The following UBR2 variants were observed in gnomAD, a reference collection of about 807,000 sequenced individuals.
UBR2 encodes the protein ubiquitin protein ligase E3 component n-recognin 2.
In UBR2, 92 loss-of-function variants were observed where a neutral mutation model predicts 247.9. The ratio of observed to expected loss-of-function variants is 0.37; its 90% CI spans 0.31 to 0.44. The LOEUF (loss-of-function observed/expected upper bound fraction) is 0.44, where lower values mean the gene tolerates loss of function less well. UBR2 is among the 20% of genes least tolerant of loss of function. UBR2 has a pLI of 1.00. For missense variants in UBR2, 1,613 were observed against 2,112.6 expected, an observed-to-expected ratio of 0.76 and a Z score of 4.64; for synonymous variants, 672 against 693.5, an observed-to-expected ratio of 0.97 and a Z score of 0.49.
At position 42,689,688 on chromosome 6, in the gene UBR2, G is replaced by T; in HGVS notation, c.5126+18G>T. 6.2e-7 allele frequency: 1 copy of T among 1,610,106 alleles called. No homozygotes were observed. Among genetic ancestry groups the T allele is most frequent in the Non-Finnish European group, 8.5e-7 (1 of 1,176,508 alleles). On this transcript the variant is annotated intron_variant, in intron 46 of 46. Transcript: ENST00000372901. The surrounding 1 kb of genome is among the most constrained non-coding windows in gnomAD (Gnocchi z 4.0). ...GGACTCAGGTAAGAACCCATCCTGA[G>T]TTAGCTAACTCAGGGCCTGCAGCGC... is the stretch of plus-strand genomic sequence containing the variant.
chr6:42,659,520 TACAC>T lies in UBR2; in HGVS notation c.3243-97_3243-94del, dbSNP rs59248267. ...GTCTCAAAAAATAAATAAATATATA[TACAC>T]ACACACACACACACACACACACACA... On this transcript the variant is annotated intron_variant, in intron 29 of 46. Transcript: ENST00000372901. This position sits in a 1 kb window ranked among gnomAD's most constrained non-coding sequence, Gnocchi z 4.3. The T allele has an allele frequency of 0.28, 140,904 of 497,820 alleles. 15,280 individuals are homozygous for T. The highest frequency in any genetic ancestry group is 0.29 in the African/African-American group (14,023 of 47,848). 30.8% of individuals were successfully genotyped at this position (497,820 alleles called of 1,614,324 possible).
intron 8 of UBR2, among the ~76,000 whole-genome samples, chr6:42,614,398 A>G (rs1475609456): frequency 2.2e-5 from 2 of 90,060 alleles, no homozygotes; most frequent in Admixed American, 1.3e-4. Flanking sequence ...GTACGTACAT[A>G]CATACGTATG....
rs976812784 is a variant in UBR2, at chr6:42,637,114, G to A, written c.1778G>A (p.Gly593Glu). The A allele has an allele frequency of 1.3e-5, 21 of 1,614,000 alleles. No homozygotes were observed. Among genetic ancestry groups the A allele is most frequent in the Non-Finnish European group, 1.8e-5 (21 of 1,180,000 alleles). The change falls in exon 15 of 47, where the codon GGA (glycine) becomes GAA (glutamate). Residue 593 changes from glycine to glutamate, a missense_variant. Physicochemically the swap from Gly to Glu is moderately conservative, Grantham distance 98. Transcript: ENST00000372901. ...GEQPITLSICGHSVETIRYCV... is the reference protein window; with the variant it reads ...GEQPITLSICEHSVETIRYCV... ...CAGCCAATCACACTAAGCATTTGTG[G>A]ACATTCAGTGGAAACTATCAGATAC...
intron 42 of UBR2, among the ~76,000 whole-genome samples, chr6:42,682,027 T>C (rs1353222206): frequency 6.6e-6 from 1 of 152,062 alleles, no homozygotes; most frequent in Non-Finnish European, 1.5e-5. Flanking sequence ...TGAGCCAAGA[T>C]TACGCCACTG....
chr6:42,622,740 A>G lies in UBR2; in HGVS notation c.1281+5233A>G, dbSNP rs549906644. On this transcript the variant is annotated intron_variant, in intron 11 of 46. Coordinates refer to ENST00000372901, the MANE Select transcript of UBR2 (RefSeq NM_001363705.2). ...TTTGATTCTATGGGAAATTTTTTTT[A>G]ACTTTACTTTGTATTTGCTTATAGA... is the stretch of plus-strand genomic sequence containing the variant. 1.8e-4 allele frequency among the ~76,000 whole-genome samples: 27 copies of G among 151,990 alleles called. No individual in the cohort carries two copies. The South Asian group carries it at 5.2e-3, about 29-fold the overall frequency.
At chr6:42,594,018 T>A (rs1235211876) in intron 3 of UBR2, among the ~76,000 whole-genome samples, 173 bp from the exon 4 acceptor site, 1 of 152,246 alleles carries the variant, frequency 6.6e-6, no homozygotes, top group Non-Finnish European at 1.5e-5. Context: ...TATAGGCTTA[T>A]TTAAAATAAA....
chr6:42,658,971 AT>A, intron 29 of UBR2, 147 bp downstream of exon 29: 3 of 915,594 alleles, frequency 3.3e-6, no homozygotes, highest in Non-Finnish European at 3.1e-6. Flanking sequence ...CATTTAGAAG[AT>A]TTAATCTTAG....
In UBR2 at chr6:42,602,360, G is replaced by A. The variant is rs371344662; in HGVS notation, c.532-1228G>A. ...AGGGACTACAGGCGCCCTCCACCACGCCCGGCTAATTTTTTGTATTTTTAG... is the reference window on the plus strand; with the variant it reads ...AGGGACTACAGGCGCCCTCCACCACACCCGGCTAATTTTTTGTATTTTTAG... On this transcript the variant is annotated intron_variant, in intron 4 of 46. Coordinates refer to ENST00000372901, the MANE Select transcript of UBR2 (RefSeq NM_001363705.2). Among the ~76,000 whole-genome samples, 13 of 151,848 alleles carry A rather than the reference G, an allele frequency of 8.6e-5. No homozygotes were observed. In the East Asian group the frequency reaches 1.7e-3, roughly 20 times the overall value.
At chr6:42,642,528 C>G in intron 18 of UBR2, 47 bp downstream of exon 18, 1 of 1,472,070 alleles carries the variant, frequency 6.8e-7, no homozygotes, top group Non-Finnish European at 9.4e-7. Context: ...GGAATCTTTG[C>G]TTCTTGTTAT....
intron 7 of UBR2, 29 bp downstream of exon 7, chr6:42,606,680 A>AT (rs755747796): frequency 1.3e-6 from 2 of 1,551,018 alleles, no homozygotes; most frequent in Non-Finnish European, 8.7e-7. Context: ...TGCTTATATT[A>AT]TTTTTTATTA....
intron 34 of UBR2, among the ~76,000 whole-genome samples, chr6:42,666,567 T>G (rs145351335): frequency 6.6e-6 from 1 of 152,244 alleles, no homozygotes; most frequent in Non-Finnish European, 1.5e-5. Flanking sequence ...AAGAACCATG[T>G]GGCATGTTTA....
At position 42,632,790 on chromosome 6, in the gene UBR2, T is replaced by A. The variant is rs1795828719; in HGVS notation, c.1446-15T>A. The A allele has an allele frequency of 6.3e-7, 1 of 1,592,368 alleles. No individual in the cohort carries two copies. Among genetic ancestry groups the A allele is most frequent in the Non-Finnish European group, 8.5e-7 (1 of 1,173,526 alleles). On this transcript the variant is annotated splice_polypyrimidine_tract_variant and intron_variant, in intron 12 of 46. Coordinates refer to ENST00000372901, the MANE Select transcript of UBR2 (RefSeq NM_001363705.2). ...TGTTTATGTTAATTGCCACTGTCAC[T>A]TTTATCTTGTTCAGGTATGTGTTAA...
intron 16 of UBR2, among the ~76,000 whole-genome samples, chr6:42,641,285 G>A (rs1304741576): frequency 1.3e-5 from 2 of 151,952 alleles, no homozygotes; most frequent in East Asian, 1.9e-4. Context: ...CCAACATGGC[G>A]AGTCCCCATC....
At chr6:42,662,298 T>A (rs756287375) in intron 31 of UBR2, 21 bp downstream of exon 31, 7 of 1,478,040 alleles carry the variant, frequency 4.7e-6, no homozygotes, top group Non-Finnish European at 5.6e-6. Context: ...TTCTTAATAT[T>A]TGTCAAGAGA....
chr6:42,574,836 C>T (rs907956767), intron 2 of UBR2, among the ~76,000 whole-genome samples: 3 of 152,086 alleles, frequency 2.0e-5, no homozygotes, highest in Non-Finnish European at 2.9e-5. Flanking sequence ...GCTGGGATTA[C>T]AGGCTTAGCC....
At chr6:42,582,841 A>T (rs1161338178) in intron 2 of UBR2, among the ~76,000 whole-genome samples, 1 of 151,976 alleles carries the variant, frequency 6.6e-6, no homozygotes, top group Non-Finnish European at 1.5e-5. Context: ...ATCTCATTAT[A>T]GTTCTTTTTT....
chr6:42,647,301 G>A (rs1353730934), intron 21 of UBR2, among the ~76,000 whole-genome samples: 1 of 151,852 alleles, frequency 6.6e-6, no homozygotes, highest in African/African-American at 2.4e-5. Flanking sequence ...AAGATTGTCG[G>A]CCGGGCACAG....
rs553093825 is a variant in UBR2, at chr6:42,688,459, A to G, written c.5024+73A>G. 25 of 1,543,262 alleles carry G rather than the reference A, an allele frequency of 1.6e-5. No individual in the cohort carries two copies. The African/African-American group carries it at 2.6e-4, about 16-fold the overall frequency. On this transcript the variant is annotated intron_variant, in intron 45 of 46. Transcript: ENST00000372901. ...GACTGTTAGGGTGTCACAGGAAACT[A>G]CTATATTGCCAGGAATTTTGAGACT...
chr6:42,568,374 A>G (rs1010416534), intron 1 of UBR2, among the ~76,000 whole-genome samples: 2 of 152,188 alleles, frequency 1.3e-5, no homozygotes, highest in African/African-American at 4.8e-5. Flanking sequence ...TTTCGTATAA[A>G]TGGAATTCAA....
Sources: gnomAD v4.1 joint callset for allele counts (sites outside exome capture counted in the v4.1 genomes callset) on GRCh38, gnomAD v4.1.1 for gene constraint, Gnocchi (gnomAD v3.1) non-coding constraint, MANE v1.5 for transcripts, NCBI Gene and HGNC (gene_info 2026-07-23, HGNC 2026-07-21) for gene names.